MKLN1: variants seen among roughly 807,000 people sequenced by gnomAD.
The protein encoded by MKLN1 is muskelin 1.
A neutral mutation model predicts 99.0 loss-of-function variants in MKLN1; 18 were observed. The observed-to-expected ratio is 0.18, with a 90% CI of 0.13 to 0.27. The LOEUF is 0.27. Among genes scored for constraint, MKLN1 ranks in the 10% least tolerant of loss-of-function variants. MKLN1 has a pLI of 1.00. For missense variants in MKLN1, 621 were observed against 875.9 expected, an observed-to-expected ratio of 0.71 and a Z score of 3.67; for synonymous variants, 288 against 293.2, an observed-to-expected ratio of 0.98 and a Z score of 0.18.
At chr7:131,375,826 T>TAA (rs1793629286) in intron 2 of MKLN1, among the ~76,000 whole-genome samples, 3 of 150,420 alleles carry the variant, frequency 2.0e-5, no homozygotes, top group Admixed American at 2.0e-4. Flanking sequence ...CTTAAATAGT[T>TAA]TATTTTATTA....
rs374978916 is a variant in MKLN1 at position 131,301,763 on chromosome 7, C to T, written c.-178-73661C>T. Among the ~76,000 whole-genome samples the T allele has an allele frequency of 6.4e-4, 98 of 152,254 alleles. 1 individual carries two copies. The highest frequency in any genetic ancestry group is 2.2e-3 in the Admixed American group (33 of 15,294). On this transcript the variant is annotated intron_variant, in intron 3 of 7. Transcript: ENST00000416992. ...ATCTAGGATTTGCTATCACCAGGCT[C>T]TCCTACCTCTGTCATTCCCCAGTTC...
chr7:131,129,325 C>G (rs1795513862), intron 1 of MKLN1, among the ~76,000 whole-genome samples: 2 of 152,162 alleles, frequency 1.3e-5, no homozygotes. Context: ...CCTTAACATA[C>G]ACAAACCACT....
chr7:131,415,322 T>G (rs947131858), intron 8 of MKLN1, among the ~76,000 whole-genome samples: 2 of 152,076 alleles, frequency 1.3e-5, no homozygotes, highest in African/African-American at 4.8e-5. Flanking sequence ...TTAGAAAACT[T>G]TACTGCATAG....
In MKLN1 at chr7:131,311,447, A is replaced by G. The variant is rs1285799682; in HGVS notation, c.-178-63977A>G. Among the ~76,000 whole-genome samples the G allele has an allele frequency of 2.0e-5, 3 of 152,162 alleles. No individual in the cohort carries two copies. In the East Asian group the frequency reaches 5.8e-4, roughly 29 times the overall value. On this transcript the variant is annotated intron_variant, in intron 3 of 7. Coordinates refer to the MKLN1 transcript ENST00000416992. Reference sequence around the variant, plus strand: ...GACACATTAAAATTTTAGGAATCTCATACAAAACACATTCATCCTAATATA... The same window carrying G: ...GACACATTAAAATTTTAGGAATCTCGTACAAAACACATTCATCCTAATATA...
intron 16 of MKLN1, among the ~76,000 whole-genome samples, chr7:131,476,084 A>G (rs988973010): frequency 2.0e-5 from 3 of 152,218 alleles, no homozygotes; most frequent in Non-Finnish European, 2.9e-5. Context: ...GAAGAAAAGC[A>G]TCTAAGAAAA....
intron 6 of MKLN1, 116 bp downstream of exon 6, chr7:131,399,549 C>A: frequency 4.8e-6 from 4 of 835,244 alleles, no homozygotes; most frequent in East Asian, 2.6e-5. Context: ...TGGTTTTTTA[C>A]TCGGTTAAAG....
chr7:131,120,213 A>ATGCTT (rs1430534172), intron 1 of MKLN1, among the ~76,000 whole-genome samples: 1 of 149,474 alleles, frequency 6.7e-6, no homozygotes, highest in Admixed American at 6.7e-5. Flanking sequence ...CATATCTTGA[A>ATGCTT]TGCTTTGCAG....
intron 1 of MKLN1, among the ~76,000 whole-genome samples, chr7:131,114,887 A>G (rs1795251257): frequency 6.6e-6 from 1 of 151,880 alleles, no homozygotes; most frequent in Non-Finnish European, 1.5e-5. Context: ...GATGAGCTGA[A>G]ATTGCACAAC....
intron 3 of MKLN1, among the ~76,000 whole-genome samples, chr7:131,283,636 T>A (rs556558608): frequency 6.6e-6 from 1 of 151,984 alleles, no homozygotes. Context: ...GGTTTCATGA[T>A]GTTGCTCAGG....
At position 131,352,451 on chromosome 7, in the gene MKLN1, C is replaced by A. The variant is rs558098610; in HGVS notation, c.99-22973C>A. On this transcript the variant is annotated intron_variant, in intron 1 of 17. Coordinates refer to ENST00000352689, the MANE Select transcript of MKLN1 (RefSeq NM_013255.5). Reference sequence around the variant, plus strand: ...TAAATTTTTTTAAGAGAAAAAATATCTTGAATTTATACTGCTATTTCCAGT... The same window carrying A: ...TAAATTTTTTTAAGAGAAAAAATATATTGAATTTATACTGCTATTTCCAGT... Among the ~76,000 whole-genome samples the A allele has an allele frequency of 5.9e-5, 9 of 151,964 alleles. No homozygotes were observed. The South Asian group carries it at 1.9e-3, about 32-fold the overall frequency.
intron 1 of MKLN1, among the ~76,000 whole-genome samples, chr7:131,365,693 G>T (rs1019504151): frequency 2.6e-5 from 4 of 152,114 alleles, no homozygotes; most frequent in Non-Finnish European, 5.9e-5. Context: ...TCATTTATGG[G>T]AAGGGGAGTC....
At chr7:131,277,607 G>A (rs1294779071) in intron 3 of MKLN1, among the ~76,000 whole-genome samples, 2 of 152,100 alleles carry the variant, frequency 1.3e-5, no homozygotes, top group East Asian at 3.9e-4. Context: ...AGTAGAGACA[G>A]GTTTCACCGT....
At chr7:131,174,193 C>T (rs541822878) in intron 2 of MKLN1, among the ~76,000 whole-genome samples, 5 of 152,192 alleles carry the variant, frequency 3.3e-5, no homozygotes, top group African/African-American at 9.6e-5. Context: ...AAGATGGTCT[C>T]GATCTCCTGA....
At chr7:131,372,986 A>G (rs1793514706) in intron 1 of MKLN1, among the ~76,000 whole-genome samples, 1 of 151,546 alleles carries the variant, frequency 6.6e-6, no homozygotes, top group Non-Finnish European at 1.5e-5. Context: ...GTATACTTCC[A>G]AGATAATGGT....
At chr7:131,228,624 G>C (rs527836890) in intron 3 of MKLN1, among the ~76,000 whole-genome samples, 1 of 152,056 alleles carries the variant, frequency 6.6e-6, no homozygotes, top group African/African-American at 2.4e-5. Flanking sequence ...GGGTTTTTGT[G>C]AGAATTAAAG....
chr7:131,196,511 A>C (rs1458490234), intron 2 of MKLN1, among the ~76,000 whole-genome samples: 1 of 129,246 alleles, frequency 7.7e-6, no homozygotes, highest in Admixed American at 9.0e-5. Context: ...TTTGTAAGCT[A>C]ATACTCGACA....
chr7:131,378,253 A>G (rs1378965121), intron 2 of MKLN1, among the ~76,000 whole-genome samples: 3 of 152,130 alleles, frequency 2.0e-5, no homozygotes, highest in Non-Finnish European at 4.4e-5. Flanking sequence ...CTGGGATTAT[A>G]GGCGTGCACC....
At chr7:131,322,822 G>A (rs1265963621) in intron 3 of MKLN1, among the ~76,000 whole-genome samples, 3 of 151,018 alleles carry the variant, frequency 2.0e-5, no homozygotes, top group Non-Finnish European at 4.4e-5. Context: ...CACCCGCCTC[G>A]GCCTCCCAAA....
chr7:131,362,190 G>A (rs1020222120), intron 1 of MKLN1, among the ~76,000 whole-genome samples: 1 of 151,992 alleles, frequency 6.6e-6, no homozygotes, highest in Non-Finnish European at 1.5e-5. Context: ...ACTGGGATGT[G>A]TTCTGAGAAG....
Sources: gnomAD v4.1 joint callset for allele counts (sites outside exome capture counted in the v4.1 genomes callset) on GRCh38, gnomAD v4.1.1 for gene constraint, MANE v1.5 for transcripts, NCBI Gene and HGNC (gene_info 2026-07-23, HGNC 2026-07-21) for gene names.